BORCS8: variants seen among roughly 807,000 people sequenced by gnomAD.
BORCS8 encodes BLOC-1-related complex subunit 8.
A neutral mutation model predicts 18.7 loss-of-function variants in BORCS8; 13 were observed. The observed-to-expected ratio is 0.70, with a 90% CI of 0.45 to 1.11. The LOEUF is 1.11. Ranked by LOEUF, BORCS8 falls within the 50% of genes least tolerant of loss-of-function variation. BORCS8 has a pLI of 0.00. For synonymous variants in BORCS8, 68 were observed against 64.8 expected, an observed-to-expected ratio of 1.05 and a Z score of -0.24; for missense variants, 165 against 165.7, an observed-to-expected ratio of 1.00 and a Z score of 0.02.
At chr19:19,177,689 GAAGGAAGAGAAAAGAAAAGAAAA>G (rs1264097449) in intron 5 of BORCS8, 29 of 57,238 alleles carry the variant, frequency 5.1e-4, no homozygotes, top group African/African-American at 1.9e-3. Flanking sequence ...AGGAAGGAAG[GAAGGAAGAGAAAAGAAAAGAAAA>G]GAAAAGAAAA....
At chr19:19,184,391 C>T (rs2060386260) in intron 3 of BORCS8, among the ~76,000 whole-genome samples, 1 of 149,588 alleles carries the variant, frequency 6.7e-6, no homozygotes, top group Non-Finnish European at 1.5e-5. Flanking sequence ...CTGCAAGCTC[C>T]ACCTCCCGGG....
At chr19:19,189,283 G>A (rs768638738) in intron 1 of BORCS8, among the ~76,000 whole-genome samples, 3 of 152,056 alleles carry the variant, frequency 2.0e-5, no homozygotes, top group Non-Finnish European at 4.4e-5. Context: ...CACACTGCCC[G>A]CACCGGTCCA....
intron 5 of BORCS8, chr19:19,180,324 TGA>T (rs1252425350): frequency 1.8e-5 from 5 of 276,202 alleles, no homozygotes; most frequent in Non-Finnish European, 3.5e-5. Flanking sequence ...GGGCTCTGCC[TGA>T]GAGACTGTGC....
intron 5 of BORCS8, chr19:19,177,666 A>G: frequency 1.1e-5 from 1 of 89,706 alleles, no homozygotes; most frequent in South Asian, 2.9e-4. Flanking sequence ...GGAAGGAAGG[A>G]AGGAAGGAAG....
Position 19,180,702 on chromosome 19 carries a change from TG to T in BORCS8, c.*25del. 3.2e-6 allele frequency: 5 copies of T among 1,548,464 alleles called. No homozygotes were observed. Among genetic ancestry groups the T allele is most frequent in the Non-Finnish European group, 3.5e-6 (4 of 1,145,474 alleles). On this transcript the variant is annotated 3_prime_UTR_variant, in exon 5 of 6. Coordinates refer to ENST00000462790, the MANE Select transcript of BORCS8 (RefSeq NM_001145784.2). ...GGCACTGACCTGGGTTGGCGGAGGC[TG>T]GGGGGCCCCGAGTCTCTTCCAGGAT...
At chr19:19,185,530 A>G (rs2060398143) in intron 3 of BORCS8, among the ~76,000 whole-genome samples, 1 of 152,194 alleles carries the variant, frequency 6.6e-6, no homozygotes, top group Non-Finnish European at 1.5e-5. Flanking sequence ...TGCTAAAAAT[A>G]CAAAAATTAG....
chr19:19,185,950 G>C, intron 3 of BORCS8, 84 bp downstream of exon 3: 1 of 1,377,946 alleles, frequency 7.3e-7, no homozygotes, highest in South Asian at 1.2e-5. Flanking sequence ...GGGCTTACTG[G>C]GCAGTTGGCT....
intron 3 of BORCS8, among the ~76,000 whole-genome samples, chr19:19,184,036 C>A (rs980164446): frequency 2.0e-5 from 3 of 151,938 alleles, no homozygotes; most frequent in Admixed American, 1.3e-4. Flanking sequence ...GTGCCCACCA[C>A]CACACCTGGC....
Position 19,183,440 on chromosome 19 carries a change from C to G in BORCS8, c.216-757G>C, listed in dbSNP as rs192825413. 3.8e-3 allele frequency among the ~76,000 whole-genome samples: 572 copies of G among 151,536 alleles called. 3 individuals carry two copies. The highest frequency in any genetic ancestry group is 6.8e-3 in the Middle Eastern group (2 of 294). ...AAAAAAAAAAATATACATTTCACTA[C>G]AGACAAATGTTCGCTGGCCTCCCGC... is the stretch of plus-strand genomic sequence containing the variant. On this transcript the variant is annotated intron_variant, in intron 3 of 5. Coordinates refer to ENST00000462790, the MANE Select transcript of BORCS8 (RefSeq NM_001145784.2).
In BORCS8 at chr19:19,182,312, C is replaced by T. The variant is rs192056892; in HGVS notation, c.326+261G>A. 35 of 844,350 alleles carry T rather than the reference C, an allele frequency of 4.1e-5. No homozygotes were observed. The highest frequency in any genetic ancestry group is 5.6e-5 in the Non-Finnish European group (35 of 626,332). 52.3% of individuals were successfully genotyped at this position (844,350 alleles called of 1,614,324 possible). ...TGTTTACCTGGTTGTCGTATGTCTC[C>T]TTGTGAGCCTGTCTGTCTCGGTCAC... On this transcript the variant is annotated intron_variant, in intron 4 of 5. Coordinates refer to ENST00000462790, the MANE Select transcript of BORCS8 (RefSeq NM_001145784.2). The surrounding 1 kb of genome is among the most constrained non-coding windows in gnomAD (Gnocchi z 4.1).
chr19:19,184,130 C>T (rs577804725), intron 3 of BORCS8, among the ~76,000 whole-genome samples: 2 of 152,096 alleles, frequency 1.3e-5, no homozygotes, highest in South Asian at 2.1e-4. Flanking sequence ...ATCTGCCCAC[C>T]TCGGCCTCCC....
At chr19:19,181,173 C>T (rs1197598667) in intron 4 of BORCS8, among the ~76,000 whole-genome samples, 19 of 147,710 alleles carry the variant, frequency 1.3e-4, no homozygotes, top group Admixed American at 9.6e-4. Flanking sequence ...CTAGCCTGGG[C>T]GACAAAGTGA....
intron 2 of BORCS8, 38 bp from the exon 3 acceptor site, chr19:19,186,136 AC>A (rs965140047): frequency 1.3e-6 from 2 of 1,545,308 alleles, no homozygotes; most frequent in Non-Finnish European, 1.8e-6. Flanking sequence ...AAGGGAGGCC[AC>A]CCCCACCTAG....
chr19:19,184,229 G>A (rs1246013242), intron 3 of BORCS8, among the ~76,000 whole-genome samples: 1 of 151,784 alleles, frequency 6.6e-6, no homozygotes, highest in Non-Finnish European at 1.5e-5. Flanking sequence ...CCATGGCGTA[G>A]GTTCCTGGAT....
At chr19:19,189,627 T>C (rs56738402) in intron 1 of BORCS8, among the ~76,000 whole-genome samples, 5,997 of 152,180 alleles carry the variant, frequency 0.039, 410 homozygotes, top group African/African-American at 0.14. Context: ...CACTTGAGGA[T>C]AAGAATTTGA....
intron 2 of BORCS8, among the ~76,000 whole-genome samples, 176 bp downstream of exon 2, chr19:19,186,717 T>C (rs1234729102): frequency 2.0e-5 from 3 of 152,398 alleles, no homozygotes; most frequent in African/African-American, 7.2e-5. Context: ...GGCTATGTCC[T>C]GATAGCAGCA....
chr19:19,186,859 C>T (rs901120221), intron 2 of BORCS8, 34 bp downstream of exon 2: 1 of 1,447,506 alleles, frequency 6.9e-7, no homozygotes, highest in Non-Finnish European at 9.3e-7. Flanking sequence ...CCTGCCCTGA[C>T]AGCCCCTGCT....
chr19:19,190,926 A>G (rs2060464609), intron 1 of BORCS8, among the ~76,000 whole-genome samples: 2 of 151,948 alleles, frequency 1.3e-5, no homozygotes, highest in Admixed American at 1.3e-4. Flanking sequence ...AGGAAAAAAA[A>G]AATTCCACAA....
At chr19:19,191,140 G>A (rs957358982) in intron 1 of BORCS8, among the ~76,000 whole-genome samples, 48 of 152,158 alleles carry the variant, frequency 3.2e-4, no homozygotes, top group South Asian at 6.2e-4. Context: ...ATCACTCGAG[G>A]TCAGGAGTTC....
Sources: allele counts gnomAD v4.1 joint callset (sites outside exome capture counted in the v4.1 genomes callset), GRCh38; gene constraint gnomAD v4.1.1; non-coding constraint Gnocchi (gnomAD v3.1); transcripts MANE v1.5; gene names NCBI Gene and HGNC (gene_info 2026-07-23, HGNC 2026-07-21).